Variants in NLGN4X observed in about 807,000 individuals in gnomAD.
NLGN4X encodes neuroligin 4 X-linked, also known as neuroligin-4, X-linked.
A neutral mutation model predicts 40.3 loss-of-function variants in NLGN4X; 3 were observed. The observed-to-expected ratio is 0.07, with a 90% confidence interval of 0.03 to 0.19. The LOEUF (loss-of-function observed/expected upper bound fraction) is 0.19. Among genes scored for constraint, NLGN4X ranks in the 10% least tolerant of loss-of-function variants. The pLI is 1.00. For missense variants in NLGN4X, 382 were observed against 708.3 expected, an observed-to-expected ratio of 0.54 and a Z score of 5.23; for synonymous variants, 270 against 306.8, an observed-to-expected ratio of 0.88 and a Z score of 1.25.
At chrX:6,124,195 A>G (rs1241635223) in intron 2 of NLGN4X, among the ~76,000 whole-genome samples, 1 of 111,433 alleles carries the variant, frequency 9.0e-6, no homozygotes, top group Non-Finnish European at 1.9e-5. Context: ...TTCATGTAAC[A>G]TCCTAATAAT....
At chrX:6,088,004 C>G (rs762801568) in intron 2 of NLGN4X, among the ~76,000 whole-genome samples, 40 of 110,803 alleles carry the variant, frequency 3.6e-4, no homozygotes, top group African/African-American at 1.3e-3. Context: ...GTGCCATTCT[C>G]ATCTACACAC....
chrX:5,993,648 C>A (rs1165370044), intron 3 of NLGN4X, among the ~76,000 whole-genome samples: 1 of 112,247 alleles, frequency 8.9e-6, no homozygotes, highest in Non-Finnish European at 1.9e-5. Flanking sequence ...GGCCCATCAG[C>A]CTTGTTCAGG....
At chrX:5,963,703 C>A (rs749809529) in intron 3 of NLGN4X, among the ~76,000 whole-genome samples, 5 of 111,935 alleles carry the variant, frequency 4.5e-5, no homozygotes, top group Non-Finnish European at 9.4e-5. Context: ...AAGCCACTTG[C>A]ATGTCGATTA....
At chrX:5,949,433 T>G (rs982631046) in intron 3 of NLGN4X, among the ~76,000 whole-genome samples, 7 of 111,619 alleles carry the variant, frequency 6.3e-5, no homozygotes, top group Non-Finnish European at 1.1e-4. Flanking sequence ...TATTCTCAAC[T>G]GTTCCCTTCA....
At chrX:6,050,296 T>C (rs769958437) in intron 2 of NLGN4X, among the ~76,000 whole-genome samples, 7 of 111,872 alleles carry the variant, frequency 6.3e-5, no homozygotes, top group Admixed American at 9.4e-5. Context: ...GATTGATACA[T>C]AGGGATTAAG....
rs141615751 is a variant in NLGN4X at position 6,224,162 on chromosome X, A to G, written c.-306+4379T>C. ...ATACTAAAGGACTTAAAATATTTGT[A>G]TATTGCTACTTCATTTGAATGCAAT... On this transcript the variant is annotated intron_variant, in intron 1 of 5. Transcript: ENST00000381095. Among the ~76,000 whole-genome samples, 17 of 112,993 alleles carry G rather than the reference A, an allele frequency of 1.5e-4. No homozygotes were observed. The East Asian group carries it at 4.7e-3, about 31-fold the overall frequency.
chrX:6,110,931 G>A (rs933946571), intron 2 of NLGN4X, among the ~76,000 whole-genome samples: 1 of 111,463 alleles, frequency 9.0e-6, no homozygotes, highest in Non-Finnish European at 1.9e-5. Flanking sequence ...AGTGACAGGT[G>A]CGTTACTGAA....
chrX:6,148,072 T>C (rs1013607018), intron 2 of NLGN4X, among the ~76,000 whole-genome samples: 6 of 112,275 alleles, frequency 5.3e-5, no homozygotes, highest in Non-Finnish European at 1.1e-4. Flanking sequence ...TAAACTATTG[T>C]ACTACGAAGA....
intron 1 of NLGN4X, among the ~76,000 whole-genome samples, chrX:6,157,193 C>T (rs1476053878): frequency 1.8e-5 from 2 of 111,077 alleles, no homozygotes; most frequent in Non-Finnish European, 3.8e-5. Flanking sequence ...AAGGTATCAA[C>T]TCCATCACCT....
At chrX:6,215,549 C>CAA (rs3072697) in intron 1 of NLGN4X, among the ~76,000 whole-genome samples, 27,585 of 77,071 alleles carry the variant, frequency 0.36, 5,117 homozygotes, top group African/African-American at 0.64. Flanking sequence ...AACTCCGTCT[C>CAA]AAAAAAAAAA....
intron 1 of NLGN4X, among the ~76,000 whole-genome samples, chrX:6,213,327 G>GA (rs1372501717): frequency 5.4e-5 from 6 of 111,458 alleles, no homozygotes; most frequent in Non-Finnish European, 1.1e-4. Flanking sequence ...TTAAGGTCAT[G>GA]AAAAACAAGG....
At chrX:6,195,096 C>T (rs946543333) in intron 1 of NLGN4X, among the ~76,000 whole-genome samples, 1 of 112,089 alleles carries the variant, frequency 8.9e-6, no homozygotes, top group Non-Finnish European at 1.9e-5. Flanking sequence ...ATCAACCCGT[C>T]ACCTAGGTAT....
At chrX:6,216,840 G>A (rs1156376832) in intron 1 of NLGN4X, among the ~76,000 whole-genome samples, 1 of 112,202 alleles carries the variant, frequency 8.9e-6, no homozygotes, top group Admixed American at 9.4e-5. Flanking sequence ...CTGCAATGCA[G>A]TAGTGAGGTC....
intron 2 of NLGN4X, among the ~76,000 whole-genome samples, chrX:6,065,855 G>C (rs1336549277): frequency 9.0e-6 from 1 of 111,109 alleles, no homozygotes. Context: ...TTTTAAAATA[G>C]CTAAATTGCA....
intron 2 of NLGN4X, among the ~76,000 whole-genome samples, chrX:6,087,804 G>A: frequency 8.9e-6 from 1 of 112,094 alleles, no homozygotes; most frequent in South Asian, 3.7e-4. Flanking sequence ...ATAAAATAAA[G>A]TAAAATTAAC....
intron 1 of NLGN4X, among the ~76,000 whole-genome samples, chrX:6,167,069 C>CAAAAAAAAAAAA (rs869227439): frequency 5.1e-5 from 3 of 59,280 alleles, no homozygotes; most frequent in African/African-American, 1.5e-4. Context: ...GAAACTGTCT[C>CAAAAAAAAAAAA]AAAAAAAAAA....
At chrX:6,065,680 T>G (rs984325356) in intron 2 of NLGN4X, among the ~76,000 whole-genome samples, 3 of 111,266 alleles carry the variant, frequency 2.7e-5, no homozygotes, top group Non-Finnish European at 5.6e-5. Flanking sequence ...GAATCCAATA[T>G]ATAATCTCTG....
rs1489676958 is a variant in NLGN4X, at chrX:5,892,888, T to G, written c.2380A>C (p.Thr794Pro). 1 of 1,211,418 alleles carries G rather than the reference T, an allele frequency of 8.3e-7. No homozygotes were observed. Among genetic ancestry groups the G allele is most frequent in the Non-Finnish European group, 1.1e-6 (1 of 895,458 alleles). The part of the protein sequence containing the change: ...NTLTGMQPLH[T>P]FNTFSGGQNS... Reference sequence around the variant, plus strand: ...TGTCCTCCACTGAAGGTGTTAAAAGTGTGCAAAGGCTGCATCCCCGTCAGT... The same window carrying G: ...TGTCCTCCACTGAAGGTGTTAAAAGGGTGCAAAGGCTGCATCCCCGTCAGT... Residue 794 changes from threonine to proline, a missense_variant, in exon 6 of 6, where the codon ACT becomes CCT. Around this residue, in one of 5 missense-constraint regions of NLGN4X, gnomAD observed 57 missense variants for 65.6 expected, o/e 0.87. Transcript: ENST00000381095.
chrX:5,909,227 G>T lies in NLGN4X; in HGVS notation c.638C>A (p.Thr213Asn). 8.3e-7 allele frequency: 1 copy of T among 1,211,350 alleles called. No individual in the cohort carries two copies. Among genetic ancestry groups the T allele is most frequent in the Non-Finnish European group, 1.1e-6 (1 of 895,415 alleles). The change falls in exon 4 of 6, where the codon ACC becomes AAC. Residue 213 changes from threonine (T) to asparagine (N), a missense_variant. Physicochemically the swap from Thr to Asn is moderately conservative, Grantham distance 65. Around this residue, in one of 5 missense-constraint regions of NLGN4X, gnomAD observed 32 missense variants for 85.2 expected, o/e 0.38. Transcript: ENST00000381095. Reference sequence around the variant, plus strand: ...GTTGCCTTTTGCTGCCTGGTCACCGGTACTTAAAAACCCTACAAAAGAACA... The same window carrying T: ...GTTGCCTTTTGCTGCCTGGTCACCGTTACTTAAAAACCCTACAAAAGAACA... ...YRLGILGFLS[T>N]GDQAAKGNYG...
Sources: allele counts gnomAD v4.1 joint callset (sites outside exome capture counted in the v4.1 genomes callset), GRCh38; gene constraint gnomAD v4.1.1; regional missense constraint gnomAD v4.1.1; transcripts MANE v1.5; gene names NCBI Gene and HGNC (gene_info 2026-07-23, HGNC 2026-07-21).